LAMA2: variants seen among roughly 807,000 people sequenced by gnomAD.
LAMA2 encodes laminin subunit alpha 2.
LAMA2 carries 269 observed loss-of-function variants against 364.8 expected under a neutral mutation model. The ratio of observed to expected loss-of-function variants is 0.74; its 90% confidence interval spans 0.67 to 0.82. The LOEUF is 0.82. Ranked by LOEUF, LAMA2 falls within the 40% of genes least tolerant of loss-of-function variation. The pLI is 0.00. For synonymous variants in LAMA2, 1,379 were observed against 1,370.6 expected (o/e 1.01, Z -0.14); for missense variants, 3,807 against 3,873.2 (o/e 0.98, Z 0.45).
intron 8 of LAMA2, chr6:129,158,634 C>G: frequency 7.4e-6 from 12 of 1,614,148 alleles, no homozygotes; most frequent in Non-Finnish European, 1.0e-5. Flanking sequence ...AGCAATTATG[C>G]AGACAGCCAT....
rs146832716 is a variant in LAMA2, at chr6:129,280,826, A to T, written c.2537+679A>T. On this transcript the variant is annotated intron_variant, in intron 18 of 64. Coordinates refer to ENST00000421865, the MANE Select transcript of LAMA2 (RefSeq NM_000426.4). ...CCCCTTGACATCATTGCCAAAAACA[A>T]AAACCTCCCTCTGGTTTCAGCACTG... is the stretch of plus-strand genomic sequence containing the variant. 4.2e-3 allele frequency among the ~76,000 whole-genome samples: 639 copies of T among 152,326 alleles called. 2 individuals carry two copies. Among genetic ancestry groups the T allele is most frequent in the African/African-American group, 0.014 (588 of 41,578 alleles).
At chr6:128,972,875 G>A (rs1353421523) in intron 1 of LAMA2, among the ~76,000 whole-genome samples, 1 of 152,058 alleles carries the variant, frequency 6.6e-6, no homozygotes, top group African/African-American at 2.4e-5. Flanking sequence ...TCTGTCTCTT[G>A]TAATGGCTTT....
At chr6:128,893,558 A>C (rs1326766784) in intron 1 of LAMA2, among the ~76,000 whole-genome samples, 1 of 151,962 alleles carries the variant, frequency 6.6e-6, no homozygotes, top group Admixed American at 6.6e-5. Context: ...GCATAAGAAG[A>C]AAATATGGTA....
In LAMA2 at chr6:129,297,729, C is replaced by CA; in HGVS notation, c.2903dup (p.Asn968LysfsTer8). 6.2e-7 allele frequency: 1 copy of CA among 1,614,108 alleles called. No homozygotes were observed. Among genetic ancestry groups the CA allele is most frequent in the Non-Finnish European group, 8.5e-7 (1 of 1,179,988 alleles). ...AATCAGCAAGGGGCTGTGTTCCCTG[C>CA]AACTGCAATTCTTTTGGGTCTAAGT... On this transcript the variant is annotated frameshift_variant, in exon 21 of 65. Transcript: ENST00000421865. LOFTEE classifies it high-confidence loss of function.
rs1265353762 is a variant in LAMA2, at chr6:129,168,619, T to C, written c.1306+2944T>C. 4.8e-5 allele frequency among the ~76,000 whole-genome samples: 7 copies of C among 146,684 alleles called. No homozygotes were observed. In the Admixed American group the frequency reaches 4.8e-4, roughly 10 times the overall value. Reference sequence around the variant, plus strand: ...AGTGTGATGCCTCCAGCTTTGTTCTTTTGGCTTAGGATTGACTTGGCGATG... The same window carrying C: ...AGTGTGATGCCTCCAGCTTTGTTCTCTTGGCTTAGGATTGACTTGGCGATG... On this transcript the variant is annotated intron_variant, in intron 9 of 64. Transcript: ENST00000421865.
intron 15 of LAMA2, among the ~76,000 whole-genome samples, chr6:129,265,388 CA>C (rs937906746): frequency 5.3e-5 from 8 of 151,950 alleles, no homozygotes; most frequent in South Asian, 2.1e-4. Flanking sequence ...TAAAACAAAA[CA>C]AAAAAACTTA....
intron 62 of LAMA2, 98 bp from the exon 63 acceptor site, chr6:129,512,265 T>A (rs1336672829): frequency 7.5e-6 from 9 of 1,203,038 alleles, no homozygotes; most frequent in Non-Finnish European, 1.1e-5. Flanking sequence ...TTAGCTAGCA[T>A]TTGAATTGAA....
intron 58 of LAMA2, among the ~76,000 whole-genome samples, chr6:129,501,603 C>T (rs908279397): frequency 5.3e-5 from 8 of 152,194 alleles, no homozygotes; most frequent in African/African-American, 1.9e-4. Flanking sequence ...AAAAGCCTGC[C>T]TTGGGCTGCT....
chr6:129,438,179 A>T (rs1408828996), intron 41 of LAMA2, among the ~76,000 whole-genome samples: 3 of 151,770 alleles, frequency 2.0e-5, no homozygotes, highest in South Asian at 2.1e-4. Flanking sequence ...TGTCCAAATA[A>T]ATATTAACAA....
intron 1 of LAMA2, among the ~76,000 whole-genome samples, chr6:129,040,218 A>G (rs1373304791): frequency 6.6e-6 from 1 of 152,224 alleles, no homozygotes; most frequent in Non-Finnish European, 1.5e-5. Flanking sequence ...AATTTCAGGA[A>G]CAAAGGTGAC....
In LAMA2 at chr6:129,280,439, AAAG is replaced by A. The variant is rs1788642432; in HGVS notation, c.2537+293_2537+295del. On this transcript the variant is annotated intron_variant, in intron 18 of 64. Coordinates refer to ENST00000421865, the MANE Select transcript of LAMA2 (RefSeq NM_000426.4). ...TTTGTAGAAAGCATTGCTCAAGTGG[AAAG>A]TCATGCACTTTAAGATTTATCTTAC... Among the ~76,000 whole-genome samples, 3 of 152,190 alleles carry A rather than the reference AAAG, an allele frequency of 2.0e-5. No homozygotes were observed. The South Asian group carries it at 6.2e-4, about 32-fold the overall frequency.
At chr6:129,186,614 G>T (rs1308675138) in intron 10 of LAMA2, among the ~76,000 whole-genome samples, 1 of 151,616 alleles carries the variant, frequency 6.6e-6, no homozygotes, top group Non-Finnish European at 1.5e-5. Context: ...AAAATCTTGG[G>T]ATACATCTTT....
intron 12 of LAMA2, among the ~76,000 whole-genome samples, chr6:129,198,709 A>G (rs997789576): frequency 2.0e-5 from 3 of 152,204 alleles, no homozygotes; most frequent in Non-Finnish European, 4.4e-5. Context: ...AGGAAGTATC[A>G]GAAAATAAAC....
chr6:129,322,194 T>C (rs1401221920), intron 28 of LAMA2, among the ~76,000 whole-genome samples: 1 of 152,236 alleles, frequency 6.6e-6, no homozygotes, highest in Admixed American at 6.5e-5. Context: ...ATGTGTCCAT[T>C]TTGAGCTAAT....
chr6:129,366,381 A>G lies in LAMA2; in HGVS notation c.4860+20A>G. ...CTAAAGGTAGGTTGGTGCAGTCACA[A>G]GCAAGGGCCAGGGACAAGGTGACAG... On this transcript the variant is annotated intron_variant, in intron 33 of 64. Coordinates refer to ENST00000421865, the MANE Select transcript of LAMA2 (RefSeq NM_000426.4). The G allele has an allele frequency of 1.2e-6, 2 of 1,612,822 alleles. No homozygotes were observed. Among genetic ancestry groups the G allele is most frequent in the Middle Eastern group, 1.8e-4 (1 of 5,488 alleles).
In LAMA2 at chr6:129,481,445, C is replaced by T. The variant is rs1784343404; in HGVS notation, c.7749+6C>T. 2 of 1,609,852 alleles carry T rather than the reference C, an allele frequency of 1.2e-6. No individual in the cohort carries two copies. Among genetic ancestry groups the T allele is most frequent in the Admixed American group, 1.7e-5 (1 of 59,968 alleles). On this transcript the variant is annotated splice_donor_region_variant and intron_variant, in intron 55 of 64. Transcript: ENST00000421865. Reference sequence around the variant, plus strand: ...AACGAAGGCAGACTGGACAGGTACCCTCACACCTAGCTGATAATGCATTTT... The same window carrying T: ...AACGAAGGCAGACTGGACAGGTACCTTCACACCTAGCTGATAATGCATTTT...
chr6:128,968,309 C>T (rs1230369383), intron 1 of LAMA2, among the ~76,000 whole-genome samples: 1 of 152,048 alleles, frequency 6.6e-6, no homozygotes, highest in Non-Finnish European at 1.5e-5. Flanking sequence ...TTTATTCAAA[C>T]AAATATTTTT....
chr6:129,360,599 G>A (rs1777405255), intron 32 of LAMA2, among the ~76,000 whole-genome samples: 1 of 152,062 alleles, frequency 6.6e-6, no homozygotes, highest in Non-Finnish European at 1.5e-5. Context: ...TTTCACTTAT[G>A]GAAATGTGCT....
chr6:129,252,548 C>A (rs1330213818), intron 14 of LAMA2, among the ~76,000 whole-genome samples: 1 of 152,046 alleles, frequency 6.6e-6, no homozygotes, highest in South Asian at 2.1e-4. Context: ...TGATCAATAA[C>A]GATTCCTATA....
Sources: allele counts gnomAD v4.1 joint callset (sites outside exome capture counted in the v4.1 genomes callset), GRCh38; gene constraint gnomAD v4.1.1; transcripts MANE v1.5; gene names NCBI Gene and HGNC (gene_info 2026-07-23, HGNC 2026-07-21).